The following BUB1 variants were observed in gnomAD, a reference collection of about 807,000 sequenced individuals.
The protein encoded by BUB1 is BUB1 mitotic checkpoint serine/threonine kinase, also known as mitotic checkpoint serine/threonine-protein kinase BUB1.
In BUB1, 84 loss-of-function variants were observed where a neutral mutation model predicts 135.2. The ratio of observed to expected loss-of-function variants is 0.62; its 90% CI spans 0.52 to 0.74. BUB1 has a LOEUF of 0.74. Among genes scored for constraint, BUB1 ranks in the 30% least tolerant of loss-of-function variants. BUB1 has a pLI of 0.00. For synonymous variants in BUB1, 403 were observed against 434.4 expected, an observed-to-expected ratio of 0.93 and a Z score of 0.90; for missense variants, 1,162 against 1,288.3, an observed-to-expected ratio of 0.90 and a Z score of 1.50.
At chr2:110,664,167 C>T (rs1322505232) in intron 9 of BUB1, among the ~76,000 whole-genome samples, 1 of 151,754 alleles carries the variant, frequency 6.6e-6, no homozygotes, top group Non-Finnish European at 1.5e-5. Flanking sequence ...GATAGCCTAA[C>T]AGAGAGTATG....
chr2:110,639,604 A>C (rs1346915891), intron 24 of BUB1, 138 bp downstream of exon 24: 1 of 685,964 alleles, frequency 1.5e-6, no homozygotes, highest in East Asian at 2.7e-5. Flanking sequence ...AGTGCCCAGG[A>C]CTGTCCTGTC....
Position 110,657,086 on chromosome 2 carries a change from C to T in BUB1, c.1648G>A (p.Ala550Thr). Residue 550 changes from alanine to threonine, a missense_variant, in exon 15 of 25, where the codon GCC becomes ACC. Transcript: ENST00000302759. Reference sequence around the variant, plus strand: ...ACAGAGCGTTCTCCAAAGGTCCTGGCTCCTGTGGGTTTATTTTTAGGCTGT... The same window carrying T: ...ACAGAGCGTTCTCCAAAGGTCCTGGTTCCTGTGGGTTTATTTTTAGGCTGT... ...LPQPKNKPTG[A>T]RTFGERSVSR... 1 of 1,613,230 alleles carries T rather than the reference C, an allele frequency of 6.2e-7. No homozygotes were observed. The highest frequency in any genetic ancestry group is 8.5e-7 in the Non-Finnish European group (1 of 1,179,592).
At chr2:110,664,692 GAACAATTTATT>G (rs1690197958) in intron 9 of BUB1, among the ~76,000 whole-genome samples, 1 of 150,020 alleles carries the variant, frequency 6.7e-6, no homozygotes, top group Admixed American at 6.7e-5. Context: ...GAGCCAGGGA[GAACAATTTATT>G]AACAATTTCT....
intron 9 of BUB1, 44 bp from the exon 10 acceptor site, chr2:110,661,885 TC>T (rs1288298597): frequency 6.3e-7 from 1 of 1,596,912 alleles, no homozygotes; most frequent in Non-Finnish European, 8.5e-7. Flanking sequence ...AACCATGAAG[TC>T]CAGAATACTA....
At chr2:110,677,881 C>G in intron 1 of BUB1, 89 bp downstream of exon 1, 1 of 1,452,950 alleles carries the variant, frequency 6.9e-7, no homozygotes, top group Non-Finnish European at 9.4e-7. Flanking sequence ...GCGAAGGGGG[C>G]AAAAGAAGGC....
intron 15 of BUB1, among the ~76,000 whole-genome samples, chr2:110,656,597 T>TGTCTGCTGTCTGCTGTC (rs1689941380): frequency 6.6e-6 from 1 of 152,238 alleles, no homozygotes. Context: ...TATTAGGGGA[T>TGTCTGCTGTCTGCTGTC]ATCTGCTGTC....
At chr2:110,664,605 T>C (rs1690195373) in intron 9 of BUB1, among the ~76,000 whole-genome samples, 1 of 148,232 alleles carries the variant, frequency 6.7e-6, no homozygotes. Context: ...AATAAGCTAC[T>C]GGAGAAAGTG....
rs371988054 is a variant in BUB1 at position 110,674,366 on chromosome 2, C to T, written c.27-1G>A. 1 of 1,613,714 alleles carries T rather than the reference C, an allele frequency of 6.2e-7. No homozygotes were observed. On this transcript the variant is annotated splice_acceptor_variant, in intron 1 of 24. Coordinates refer to ENST00000302759, the MANE Select transcript of BUB1 (RefSeq NM_004336.5). LOFTEE classifies it high-confidence loss of function. ...GCTCTGCATGTGGGCTTCAAGCATC[C>T]TAGAAGAGAGAAAGGTATGCACATG...
chr2:110,673,819 G>A (rs1037747456), intron 3 of BUB1, among the ~76,000 whole-genome samples: 2 of 151,976 alleles, frequency 1.3e-5, no homozygotes, highest in Non-Finnish European at 1.5e-5. Context: ...GGCTGGTCTC[G>A]AACTCCTGAA....
At chr2:110,677,820 A>G (rs1289507600) in intron 1 of BUB1, 150 bp downstream of exon 1, 6 of 919,886 alleles carry the variant, frequency 6.5e-6, no homozygotes, top group African/African-American at 3.5e-5. Flanking sequence ...CCCGGCTCTC[A>G]AGCAGCCCAC....
At chr2:110,651,752 CTTTTACACTGTAT>C (rs1689792990) in intron 17 of BUB1, among the ~76,000 whole-genome samples, 1 of 152,122 alleles carries the variant, frequency 6.6e-6, no homozygotes, top group Non-Finnish European at 1.5e-5. Flanking sequence ...CATTTTTTAT[CTTTTACACTGTAT>C]TTTTACTATA....
chr2:110,638,125 G>T lies in BUB1; in HGVS notation c.3097C>A (p.His1033Asn). 1 of 1,597,558 alleles carries T rather than the reference G, an allele frequency of 6.3e-7. No homozygotes were observed. Among genetic ancestry groups the T allele is most frequent in the Non-Finnish European group, 8.5e-7 (1 of 1,175,194 alleles). The part of the protein sequence containing the change: ...PHLDMWNEFF[H>N]VMLNIPDCHH... ...CAATCTGGAATATTCAACATAACAT[G>T]AAAAAATTCATTCCACATATCCAAA... Residue 1033 changes from histidine to asparagine, a missense_variant, in exon 25 of 25, where the codon CAT (histidine) becomes AAT (asparagine). Coordinates refer to ENST00000302759, the MANE Select transcript of BUB1 (RefSeq NM_004336.5).
chr2:110,666,388 T>C lies in BUB1; in HGVS notation c.832A>G (p.Arg278Gly). The change falls in exon 9 of 25, where the codon AGG becomes GGG. Residue 278 changes from arginine (R) to glycine (G), a missense_variant. Physicochemically the swap from Arg to Gly is moderately radical, Grantham distance 125. Transcript: ENST00000302759. ...WVNEDRHYMKRKEANAFEEQL... is the reference protein window; with the variant it reads ...WVNEDRHYMKGKEANAFEEQL... The stretch of plus-strand genomic sequence containing the variant: ...TCTTCAAAAGCATTTGCTTCTTTCC[T>C]TTTCATATAATGTCTGTCTTCATTT... The C allele has an allele frequency of 6.7e-7, 1 of 1,493,796 alleles. No homozygotes were observed. The highest frequency in any genetic ancestry group is 8.9e-7 in the Non-Finnish European group (1 of 1,118,482). 92.5% of individuals were successfully genotyped at this position (1,493,796 alleles called of 1,614,324 possible).
rs1333954550 is a variant in BUB1 at position 110,648,349 on chromosome 2, C to CA, written c.2347+884dup. Among the ~76,000 whole-genome samples, 2 of 152,002 alleles carry CA rather than the reference C, an allele frequency of 1.3e-5. No homozygotes were observed. Among genetic ancestry groups the CA allele is most frequent in the African/African-American group, 4.8e-5 (2 of 41,380 alleles). ...TGACATTATGGAAAAGGCAAAACTA[C>CA]ACAGACAGCAAAACAATCAGTGGTT... On this transcript the variant is annotated intron_variant, in intron 19 of 24. Coordinates refer to ENST00000302759, the MANE Select transcript of BUB1 (RefSeq NM_004336.5). The surrounding 1 kb of genome is among the most constrained non-coding windows in gnomAD (Gnocchi z 4.2).
At chr2:110,668,990 G>A (rs1189207513) in intron 6 of BUB1, among the ~76,000 whole-genome samples, 1 of 152,206 alleles carries the variant, frequency 6.6e-6, no homozygotes, top group African/African-American at 2.4e-5. Context: ...TCAGACACTG[G>A]AAGCATGTCC....
In BUB1 at chr2:110,648,536, A is replaced by C. The variant is rs1689703157; in HGVS notation, c.2347+698T>G. On this transcript the variant is annotated intron_variant, in intron 19 of 24. Transcript: ENST00000302759. The surrounding 1 kb of genome is among the most constrained non-coding windows in gnomAD (Gnocchi z 4.2). ...ATATACAACCCAAAGAGTGAACCCTAATGTAAACTAGCACTTCAATTAATA... is the reference window on the plus strand; with the variant it reads ...ATATACAACCCAAAGAGTGAACCCTCATGTAAACTAGCACTTCAATTAATA... Among the ~76,000 whole-genome samples, 1 of 152,208 alleles carries C rather than the reference A, an allele frequency of 6.6e-6. No individual in the cohort carries two copies. The highest frequency in any genetic ancestry group is 2.4e-5 in the African/African-American group (1 of 41,446).
chr2:110,664,138 A>AATTAAATGACCAGTCCAGGATAGCCT (rs1690178845), intron 9 of BUB1, among the ~76,000 whole-genome samples: 1 of 152,122 alleles, frequency 6.6e-6, no homozygotes, highest in Non-Finnish European at 1.5e-5. Flanking sequence ...AATTTAAGAA[A>AATTAAATGACCAGTCCAGGATAGCCT]ATTAAATGAC....
At position 110,661,702 on chromosome 2, in the gene BUB1, G is replaced by A. The variant is rs1180608325; in HGVS notation, c.1097C>T (p.Ala366Val). The stretch of plus-strand genomic sequence containing the variant: ...CACCAAAGCTGCAGAAATAGCATTT[G>A]CCAAAGGAGGAACAACAGGAGGTGC... ...REAPPVVPPL[A>V]NAISAALVSP... Residue 366 changes from alanine to valine, a missense_variant, in exon 10 of 25, where the codon GCA becomes GTA. By Grantham distance (64) the Ala-to-Val change is moderately conservative (BLOSUM62 0). Transcript: ENST00000302759. 1.2e-6 allele frequency: 2 copies of A among 1,614,214 alleles called. No individual in the cohort carries two copies. Among genetic ancestry groups the A allele is most frequent in the East Asian group, 4.5e-5 (2 of 44,888 alleles).
At chr2:110,646,655 T>C in intron 19 of BUB1, among the ~76,000 whole-genome samples, 1 of 152,192 alleles carries the variant, frequency 6.6e-6, no homozygotes, top group Non-Finnish European at 1.5e-5. Context: ...TTAAACATAC[T>C]TCTGAATACC....
Sources: gnomAD v4.1 joint callset for allele counts (sites outside exome capture counted in the v4.1 genomes callset) on GRCh38, gnomAD v4.1.1 for gene constraint, Gnocchi (gnomAD v3.1) non-coding constraint, MANE v1.5 for transcripts, NCBI Gene and HGNC (gene_info 2026-07-23, HGNC 2026-07-21) for gene names.